Variants in MANSC4 observed in about 807,000 individuals in gnomAD.
The protein encoded by MANSC4 is MANSC domain containing 4.
Under a neutral mutation model 11.4 loss-of-function variants are expected in MANSC4, and 11 were observed. The ratio of observed to expected loss-of-function variants is 0.97; its 90% confidence interval spans 0.61 to 1.60. The LOEUF (loss-of-function observed/expected upper bound fraction) is 1.60. Ranked by LOEUF, MANSC4 falls within the 40% of genes most tolerant of loss-of-function variation. The pLI is 0.00. For missense variants in MANSC4, 354 were observed against 404.6 expected (o/e 0.88, Z 1.07); for synonymous variants, 123 against 147.1 (o/e 0.84, Z 1.19).
intron 1 of MANSC4, among the ~76,000 whole-genome samples, chr12:27,776,424 G>A (rs9804898): frequency 0.66 from 99,977 of 151,956 alleles, 33,903 homozygotes; most frequent in African/African-American, 0.83. Context: ...TTTTCCATAA[G>A]TTCTTTAAAA....
intron 3 of MANSC4, among the ~76,000 whole-genome samples, chr12:27,764,110 T>C (rs898817419): frequency 2.4e-4 from 36 of 152,228 alleles, no homozygotes; most frequent in Non-Finnish European, 4.4e-4. Context: ...AGCAAAGCCT[T>C]ACGCCTCATC....
chr12:27,778,674 G>GT (rs2140807198), intron 1 of MANSC4, among the ~76,000 whole-genome samples: 1 of 151,946 alleles, frequency 6.6e-6, no homozygotes, highest in South Asian at 2.1e-4. Context: ...TTTTTGTTTT[G>GT]TAAGATAAGA....
In MANSC4 at chr12:27,763,090, A is replaced by G. The variant is rs201841703; in HGVS notation, c.671T>C (p.Ile224Thr). The change falls in exon 4 of 4, where the codon ATC (isoleucine) becomes ACC (threonine). Residue 224 changes from isoleucine to threonine, a missense_variant. Ile to Thr is a moderately conservative substitution (Grantham distance 89, BLOSUM62 -1). Coordinates refer to ENST00000381273, the MANE Select transcript of MANSC4 (RefSeq NM_001146221.5). ...INKVSPSTDF[I>T]SNPDNKTISP... ...AATAGTCTTATTATCTGGATTGCTGATGAAATCAGTACTTGGTGACACCTT... is the reference window on the plus strand; with the variant it reads ...AATAGTCTTATTATCTGGATTGCTGGTGAAATCAGTACTTGGTGACACCTT... The G allele has an allele frequency of 4.1e-4, 634 of 1,551,628 alleles. No individual in the cohort carries two copies. Among genetic ancestry groups the G allele is most frequent in the Non-Finnish European group, 5.1e-4 (584 of 1,147,016 alleles).
chr12:27,777,171 T>C (rs2062122260), intron 1 of MANSC4, among the ~76,000 whole-genome samples: 1 of 152,252 alleles, frequency 6.6e-6, no homozygotes, highest in South Asian at 2.1e-4. Context: ...ATAATGTTAC[T>C]GTGCTTGAAT....
intron 3 of MANSC4, 61 bp downstream of exon 3, chr12:27,766,604 A>G: frequency 1.3e-6 from 2 of 1,509,814 alleles, no homozygotes; most frequent in East Asian, 2.5e-5. Flanking sequence ...TTTCTCAGCT[A>G]TATGCCTCTA....
chr12:27,763,442 G>A, intron 3 of MANSC4, 46 bp from the exon 4 acceptor site: 1 of 1,485,108 alleles, frequency 6.7e-7, no homozygotes, highest in Non-Finnish European at 9.0e-7. Context: ...TACTTTCAAA[G>A]CAAAAACCCT....
intron 1 of MANSC4, among the ~76,000 whole-genome samples, chr12:27,774,874 A>T (rs1373102312): frequency 6.6e-6 from 1 of 152,028 alleles, no homozygotes; most frequent in Non-Finnish European, 1.5e-5. Context: ...ATACAAAAAA[A>T]TTAGCTGGGT....
At chr12:27,779,211 G>A (rs181839301) in intron 1 of MANSC4, among the ~76,000 whole-genome samples, 1 of 152,254 alleles carries the variant, frequency 6.6e-6, no homozygotes, top group East Asian at 1.9e-4. Flanking sequence ...GATGATGGGG[G>A]CAGGGTAGGT....
chr12:27,766,347 T>C (rs2062072325), intron 3 of MANSC4, among the ~76,000 whole-genome samples: 1 of 152,232 alleles, frequency 6.6e-6, no homozygotes, highest in Non-Finnish European at 1.5e-5. Context: ...ATTACAGGCA[T>C]GAGCCACCGC....
chr12:27,768,556 CA>C (rs2062084812), intron 2 of MANSC4, among the ~76,000 whole-genome samples: 1 of 151,826 alleles, frequency 6.6e-6, no homozygotes, highest in Non-Finnish European at 1.5e-5. Flanking sequence ...TCTATCCTCA[CA>C]AAAGTGCAAC....
Position 27,774,169 on chromosome 12 carries a change from A to C in MANSC4, c.-306-2587T>G, listed in dbSNP as rs910983059. ...TCTCAAAAAAACCAAAAAACAAAAC[A>C]AAAAAAAAACCCCAGAAATAAAGTT... On this transcript the variant is annotated intron_variant, in intron 1 of 3. Coordinates refer to ENST00000381273, the MANE Select transcript of MANSC4 (RefSeq NM_001146221.5). Among the ~76,000 whole-genome samples, 42 of 149,392 alleles carry C rather than the reference A, an allele frequency of 2.8e-4. 1 individual carries two copies. The highest frequency in any genetic ancestry group is 3.4e-3 in the Middle Eastern group (1 of 292).
chr12:27,774,795 G>A (rs1485427871), intron 1 of MANSC4, among the ~76,000 whole-genome samples: 11 of 152,022 alleles, frequency 7.2e-5, no homozygotes, highest in South Asian at 4.1e-4. Flanking sequence ...AGGCTGAGGC[G>A]GGCAGATCAC....
At chr12:27,772,865 G>A (rs2062106093) in intron 1 of MANSC4, among the ~76,000 whole-genome samples, 1 of 152,126 alleles carries the variant, frequency 6.6e-6, no homozygotes, top group Non-Finnish European at 1.5e-5. Flanking sequence ...AAACAGGAAG[G>A]TCTACTCTCT....
rs373294604 is a variant in MANSC4, at chr12:27,766,141, C to T, written c.364+524G>A. ...GGAGTGCAGTGGCGTGATCTCGGCT[C>T]ACTGCAATCTCCGCCTCCCAGGTTC... On this transcript the variant is annotated intron_variant, in intron 3 of 3. Coordinates refer to ENST00000381273, the MANE Select transcript of MANSC4 (RefSeq NM_001146221.5). Among the ~76,000 whole-genome samples, 4 of 151,470 alleles carry T rather than the reference C, an allele frequency of 2.6e-5. No homozygotes were observed. The East Asian group carries it at 7.8e-4, about 29-fold the overall frequency.
At chr12:27,768,423 GAAAA>G (rs761869082) in intron 2 of MANSC4, among the ~76,000 whole-genome samples, 1 of 82,240 alleles carries the variant, frequency 1.2e-5, no homozygotes, top group African/African-American at 4.0e-5. Flanking sequence ...AAAAAAAAAA[GAAAA>G]AGAAAAAGAA....
Position 27,771,035 on chromosome 12 carries a change from C to A in MANSC4, c.229+13G>T, listed in dbSNP as rs2062098007. On this transcript the variant is annotated intron_variant, in intron 2 of 3. Transcript: ENST00000381273. ...TCTTCTTATTTTTGCCCAAGCATAT[C>A]ATGAATACTTACCATCCTTCCGAAG... 3 of 1,542,392 alleles carry A rather than the reference C, an allele frequency of 1.9e-6. No individual in the cohort carries two copies. The highest frequency in any genetic ancestry group is 2.6e-6 in the Non-Finnish European group (3 of 1,141,968).
intron 2 of MANSC4, 57 bp from the exon 3 acceptor site, chr12:27,766,856 A>T: frequency 6.6e-7 from 1 of 1,526,238 alleles, no homozygotes; most frequent in Non-Finnish European, 8.8e-7. Flanking sequence ...CACCAATTTC[A>T]TGAACTCTGA....
chr12:27,770,965 G>C (rs2062097711), intron 2 of MANSC4, 83 bp downstream of exon 2: 1 of 986,162 alleles, frequency 1.0e-6, no homozygotes, highest in Non-Finnish European at 1.5e-6. Context: ...CTGTTTACTG[G>C]CCTCTGCCTA....
At chr12:27,773,090 C>G (rs28374194) in intron 1 of MANSC4, among the ~76,000 whole-genome samples, 6,195 of 152,266 alleles carry the variant, frequency 0.041, 400 homozygotes, top group African/African-American at 0.14. Flanking sequence ...TGCCTATAAT[C>G]CCAGCACTGT....
Sources: allele counts gnomAD v4.1 joint callset (sites outside exome capture counted in the v4.1 genomes callset), GRCh38; gene constraint gnomAD v4.1.1; transcripts MANE v1.5; gene names NCBI Gene and HGNC (gene_info 2026-07-23, HGNC 2026-07-21).